CNTN3: variants seen among roughly 807,000 people sequenced by gnomAD.
CNTN3 encodes contactin 3, also known as contactin-3.
In CNTN3, 60 loss-of-function variants were observed where a neutral mutation model predicts 119.1. The ratio of observed to expected loss-of-function variants is 0.50; its 90% CI spans 0.41 to 0.62. CNTN3 has a LOEUF of 0.62. CNTN3 is among the 20% of genes least tolerant of loss of function. The pLI, the probability that CNTN3 is intolerant of heterozygous loss-of-function variation, is 0.00. For missense variants in CNTN3, 1,101 were observed against 1,242.4 expected, an observed-to-expected ratio of 0.89 and a Z score of 1.71; for synonymous variants, 450 against 438.7, an observed-to-expected ratio of 1.03 and a Z score of -0.32.
At chr3:74,427,034 T>C (rs1701705812) in intron 4 of CNTN3, among the ~76,000 whole-genome samples, 1 of 152,198 alleles carries the variant, frequency 6.6e-6, no homozygotes, top group African/African-American at 2.4e-5. Flanking sequence ...ACCAGTAATG[T>C]CTCCTCCAAA....
Position 74,529,800 on chromosome 3 carries a change from TAGAA to T in CNTN3, c.-80-8612_-80-8609del, listed in dbSNP as rs572444491. Among the ~76,000 whole-genome samples, 76 of 152,148 alleles carry T rather than the reference TAGAA, an allele frequency of 5.0e-4. 1 individual carries two copies. The highest frequency in any genetic ancestry group is 2.6e-3 in the Admixed American group (39 of 15,262). ...CCTAAAGAGAACTTTTTGGCTTAAA[TAGAA>T]AGAGTTTCAACATTGAGTTCTAACT... On this transcript the variant is annotated intron_variant, in intron 1 of 22. Coordinates refer to ENST00000263665, the MANE Select transcript of CNTN3 (RefSeq NM_020872.3).
intron 4 of CNTN3, among the ~76,000 whole-genome samples, chr3:74,445,382 C>T (rs937418651): frequency 3.9e-5 from 6 of 152,068 alleles, no homozygotes; most frequent in African/African-American, 1.4e-4. Flanking sequence ...CCTGCCTCAG[C>T]CTCTCGAGCA....
intron 11 of CNTN3, among the ~76,000 whole-genome samples, chr3:74,355,020 A>G (rs918650894): frequency 3.9e-5 from 6 of 152,238 alleles, no homozygotes; most frequent in East Asian, 1.9e-4. Context: ...CTCTGTTTCT[A>G]TAGCCTGAGT....
chr3:74,397,508 TTC>T (rs71129743), intron 5 of CNTN3, among the ~76,000 whole-genome samples: 33,183 of 150,150 alleles, frequency 0.22, 3,800 homozygotes, highest in South Asian at 0.32. Context: ...CCAACTGGTG[TTC>T]TCTCTCTCTC....
chr3:74,335,434 C>A (rs1322683434), intron 12 of CNTN3, among the ~76,000 whole-genome samples: 1 of 152,072 alleles, frequency 6.6e-6, no homozygotes, highest in East Asian at 1.9e-4. Flanking sequence ...ACGCAAATGT[C>A]CACATGCACA....
chr3:74,422,409 C>T (rs1019912484), intron 5 of CNTN3, among the ~76,000 whole-genome samples: 19 of 152,284 alleles, frequency 1.2e-4, no homozygotes, highest in African/African-American at 4.6e-4. Context: ...ACTGTCATCC[C>T]AACCGAGTGT....
chr3:74,365,294 A>G (rs1704162708), intron 9 of CNTN3, among the ~76,000 whole-genome samples: 3 of 152,094 alleles, frequency 2.0e-5, no homozygotes, highest in Admixed American at 6.6e-5. Context: ...TAATTTCAAT[A>G]CCAAAAAAAC....
intron 2 of CNTN3, among the ~76,000 whole-genome samples, chr3:74,505,502 T>TAC (rs139877872): frequency 0.012 from 1,789 of 146,604 alleles, 19 homozygotes; most frequent in East Asian, 0.069. Flanking sequence ...TGTGCATAAA[T>TAC]ACACACACAC....
At chr3:74,493,500 C>T (rs981715831) in intron 3 of CNTN3, among the ~76,000 whole-genome samples, 5 of 152,164 alleles carry the variant, frequency 3.3e-5, no homozygotes, top group South Asian at 2.1e-4. Flanking sequence ...CATGAACCAA[C>T]GCGAAAAGAA....
intron 1 of CNTN3, among the ~76,000 whole-genome samples, chr3:74,557,116 A>G (rs540662214): frequency 6.6e-6 from 1 of 151,068 alleles, no homozygotes; most frequent in Admixed American, 6.6e-5. Context: ...TGTCCTCTGC[A>G]GCATAAAAGT....
At chr3:74,450,756 T>C (rs1002715244) in intron 4 of CNTN3, among the ~76,000 whole-genome samples, 5 of 148,316 alleles carry the variant, frequency 3.4e-5, no homozygotes, top group African/African-American at 7.4e-5. Flanking sequence ...AGTGAGAATA[T>C]GCAGTGTTTG....
At chr3:74,472,196 A>G (rs1702577823) in intron 4 of CNTN3, among the ~76,000 whole-genome samples, 1 of 152,094 alleles carries the variant, frequency 6.6e-6, no homozygotes, top group South Asian at 2.1e-4. Context: ...ATAATGCACT[A>G]CTCTCCCATA....
chr3:74,336,207 G>GA (rs1458974553), intron 12 of CNTN3, among the ~76,000 whole-genome samples: 1 of 151,560 alleles, frequency 6.6e-6, no homozygotes, highest in Admixed American at 6.6e-5. Flanking sequence ...CAACTATAAT[G>GA]AAAAAAACAA....
intron 4 of CNTN3, among the ~76,000 whole-genome samples, chr3:74,457,391 A>G (rs1702289818): frequency 6.6e-6 from 1 of 152,062 alleles, no homozygotes; most frequent in South Asian, 2.1e-4. Context: ...TTTATACTTT[A>G]TCATCAACTA....
intron 2 of CNTN3, among the ~76,000 whole-genome samples, chr3:74,520,006 T>A (rs1339501878): frequency 1.3e-5 from 2 of 151,710 alleles, no homozygotes; most frequent in African/African-American, 4.8e-5. Flanking sequence ...AATCTATTCA[T>A]GTCTTTAAAT....
chr3:74,593,998 G>C (rs1704746856), intron 1 of CNTN3, among the ~76,000 whole-genome samples: 1 of 151,946 alleles, frequency 6.6e-6, no homozygotes, highest in Non-Finnish European at 1.5e-5. Context: ...AGAGGGGATT[G>C]AAGATGTAGG....
At chr3:74,384,841 G>A (rs1235170555) in intron 5 of CNTN3, among the ~76,000 whole-genome samples, 1 of 152,128 alleles carries the variant, frequency 6.6e-6, no homozygotes, top group East Asian at 1.9e-4. Flanking sequence ...GGGAATTACT[G>A]AACTGCTCAT....
At chr3:74,273,820 G>T (rs1218645225) in intron 20 of CNTN3, among the ~76,000 whole-genome samples, 1 of 152,156 alleles carries the variant, frequency 6.6e-6, no homozygotes, top group East Asian at 1.9e-4. Context: ...GCCAGAACCT[G>T]GGGGAGAGAG....
At chr3:74,273,020 AGAAAAGGTTG>A (rs989772724) in intron 20 of CNTN3, among the ~76,000 whole-genome samples, 2 of 152,220 alleles carry the variant, frequency 1.3e-5, no homozygotes, top group African/African-American at 4.8e-5. Context: ...ATATATTAAT[AGAAAAGGTTG>A]GAAAAAATGG....
Sources: allele counts gnomAD v4.1 joint callset (sites outside exome capture counted in the v4.1 genomes callset), GRCh38; gene constraint gnomAD v4.1.1; transcripts MANE v1.5; gene names NCBI Gene and HGNC (gene_info 2026-07-23, HGNC 2026-07-21).